TTC28: variants seen among roughly 807,000 people sequenced by gnomAD.
TTC28 encodes the protein tetratricopeptide repeat protein 28.
TTC28 carries 61 observed loss-of-function variants against 198.0 expected under a neutral mutation model. That is an observed-to-expected ratio of 0.31 (90% CI 0.25 to 0.38). The LOEUF is 0.38. Among genes scored for constraint, TTC28 ranks in the 10% least tolerant of loss-of-function variants. The pLI is 1.00. For missense variants in TTC28, 2,678 were observed against 3,164.0 expected (o/e 0.85, Z 3.69); for synonymous variants, 1,171 against 1,297.8 (o/e 0.90, Z 2.10).
At chr22:28,628,750 G>C (rs545039212) in intron 2 of TTC28, among the ~76,000 whole-genome samples, 3 of 152,074 alleles carry the variant, frequency 2.0e-5, no homozygotes, top group African/African-American at 7.2e-5. Context: ...GACCAGCCTG[G>C]GCAACATGGT....
At chr22:28,182,839 C>T (rs1332005338) in intron 5 of TTC28, among the ~76,000 whole-genome samples, 1 of 152,140 alleles carries the variant, frequency 6.6e-6, no homozygotes, top group Non-Finnish European at 1.5e-5. Context: ...CTGGAAGAGG[C>T]CTTACAGATC....
intron 5 of TTC28, among the ~76,000 whole-genome samples, chr22:28,189,995 CT>C (rs1237684063): frequency 2.0e-5 from 3 of 152,110 alleles, no homozygotes; most frequent in African/African-American, 7.2e-5. Context: ...GAGCATTGTG[CT>C]GGGCACTTTA....
intron 2 of TTC28, among the ~76,000 whole-genome samples, chr22:28,444,301 A>T (rs2047670536): frequency 6.6e-6 from 1 of 152,190 alleles, no homozygotes; most frequent in Non-Finnish European, 1.5e-5. Context: ...AACAATGTTT[A>T]ACTTATTACC....
chr22:28,588,399 A>C (rs1440549469), intron 2 of TTC28, among the ~76,000 whole-genome samples: 1 of 152,172 alleles, frequency 6.6e-6, no homozygotes, highest in East Asian at 1.9e-4. Context: ...CAACAAGAAA[A>C]ATGTAAATAA....
At chr22:28,351,326 A>C (rs1268330800) in intron 2 of TTC28, among the ~76,000 whole-genome samples, 1 of 152,326 alleles carries the variant, frequency 6.6e-6, no homozygotes, top group Middle Eastern at 3.4e-3. Context: ...TATGTGTGTA[A>C]AGAAATGGTA....
At position 28,363,822 on chromosome 22, in the gene TTC28, C is replaced by G. The variant is rs545679644; in HGVS notation, c.382-57179G>C. Among the ~76,000 whole-genome samples, 141 of 152,228 alleles carry G rather than the reference C, an allele frequency of 9.3e-4. 2 individuals carry two copies. Among genetic ancestry groups the G allele is most frequent in the African/African-American group, 3.1e-3 (129 of 41,528 alleles). ...TTCAGACTTGTATGGGGCCTGTACC[C>G]CATTTGTTCTGGCCAATTTCTTCCA... is the stretch of plus-strand genomic sequence containing the variant. On this transcript the variant is annotated intron_variant, in intron 2 of 22. Coordinates refer to ENST00000397906, the MANE Select transcript of TTC28 (RefSeq NM_001145418.2).
At chr22:28,007,118 G>T (rs564771691) in intron 14 of TTC28, 1 of 152,262 alleles carries the variant, frequency 6.6e-6, no homozygotes, top group East Asian at 1.9e-4. Flanking sequence ...CTACAATAAG[G>T]ATTCCAGAGG....
intron 2 of TTC28, among the ~76,000 whole-genome samples, chr22:28,307,306 C>T (rs550790914): frequency 6.6e-6 from 1 of 152,262 alleles, no homozygotes; most frequent in South Asian, 2.1e-4. Context: ...AACATTCCTC[C>T]TTCTAACTAA....
Position 27,982,653 on chromosome 22 carries a change from G to T in TTC28, c.7014C>A (p.Asp2338Glu), listed in dbSNP as rs757420210. 6.4e-7 allele frequency: 1 copy of T among 1,551,600 alleles called. No individual in the cohort carries two copies. Among genetic ancestry groups the T allele is most frequent in the African/African-American group, 1.4e-5 (1 of 73,040 alleles). Residue 2338 changes from aspartate (D) to glutamate (E), a missense_variant, in exon 23 of 23, where the codon GAC becomes GAA. Physicochemically the swap from Asp to Glu is conservative, Grantham distance 45 (BLOSUM62 2). Coordinates refer to ENST00000397906, the MANE Select transcript of TTC28 (RefSeq NM_001145418.2). The surrounding 1 kb of genome is among the most constrained non-coding windows in gnomAD (Gnocchi z 5.2). Reference sequence around the variant, plus strand: ...TTTTCAGTTTGTCTATGTCGGGAGCGTCTGCTGGACTTGAGCGAGCAGATC... The same window carrying T: ...TTTTCAGTTTGTCTATGTCGGGAGCTTCTGCTGGACTTGAGCGAGCAGATC... The part of the protein sequence containing the change: ...SAGSARSSPA[D>E]APDIDKLKMA...
At chr22:28,233,959 T>C (rs1601512681) in intron 5 of TTC28, among the ~76,000 whole-genome samples, 1 of 150,174 alleles carries the variant, frequency 6.7e-6, no homozygotes, top group Non-Finnish European at 1.5e-5. Flanking sequence ...CAGGCTAGAG[T>C]GCAGCGGCAC....
intron 1 of TTC28, among the ~76,000 whole-genome samples, chr22:28,673,995 T>G (rs1331022254): frequency 1.3e-5 from 2 of 152,236 alleles, no homozygotes; most frequent in Middle Eastern, 3.4e-3. Context: ...GGAAAAAAAG[T>G]AGTGAAAAAA....
intron 2 of TTC28, among the ~76,000 whole-genome samples, chr22:28,617,111 A>G (rs1201824490): frequency 6.6e-6 from 1 of 152,174 alleles, no homozygotes; most frequent in Admixed American, 6.5e-5. Flanking sequence ...AATAATAACT[A>G]CTTTGCAACT....
chr22:28,540,567 G>A (rs2049391190), intron 2 of TTC28, among the ~76,000 whole-genome samples: 1 of 152,006 alleles, frequency 6.6e-6, no homozygotes, highest in South Asian at 2.1e-4. Flanking sequence ...AATGCCCTTT[G>A]TACTATAAAA....
At chr22:28,078,491 A>T (rs772388671) in intron 12 of TTC28, among the ~76,000 whole-genome samples, 2 of 152,086 alleles carry the variant, frequency 1.3e-5, no homozygotes, top group African/African-American at 2.4e-5. Context: ...TTGGAAAGAC[A>T]TACAAACTAC....
At chr22:27,992,422 C>A (rs1601490013) in intron 19 of TTC28, 165 bp downstream of exon 19, 1 of 708,816 alleles carries the variant, frequency 1.4e-6, no homozygotes, top group Non-Finnish European at 2.3e-6. Context: ...ACAGCACTTG[C>A]CAGGCAGGGC....
chr22:28,488,554 A>T (rs1250886627), intron 2 of TTC28, among the ~76,000 whole-genome samples: 2 of 152,206 alleles, frequency 1.3e-5, no homozygotes, highest in East Asian at 3.8e-4. Flanking sequence ...GCAAATATAT[A>T]TGACGTTTCT....
At chr22:28,174,073 C>G (rs1298068102) in intron 5 of TTC28, among the ~76,000 whole-genome samples, 1 of 152,104 alleles carries the variant, frequency 6.6e-6, no homozygotes, top group African/African-American at 2.4e-5. Flanking sequence ...AAACCAAAGT[C>G]CTAGATTAAC....
At chr22:28,486,247 C>T (rs1304797658) in intron 2 of TTC28, among the ~76,000 whole-genome samples, 1 of 151,862 alleles carries the variant, frequency 6.6e-6, no homozygotes, top group East Asian at 1.9e-4. Flanking sequence ...ACAAGGAAGG[C>T]TTGAAAAACA....
In TTC28 at chr22:28,060,980, G is replaced by A. The variant is rs1451113709; in HGVS notation, c.3933-30614C>T. Among the ~76,000 whole-genome samples, 3 of 152,200 alleles carry A rather than the reference G, an allele frequency of 2.0e-5. No homozygotes were observed. The East Asian group carries it at 5.8e-4, about 29-fold the overall frequency. On this transcript the variant is annotated intron_variant, in intron 12 of 22. Transcript: ENST00000397906. ...TTTCTCTGATGGCCAGTGAGGATGA[G>A]CATTTTTTCATGTGTCTGTTGGCTG...
Sources: allele counts gnomAD v4.1 joint callset (sites outside exome capture counted in the v4.1 genomes callset), GRCh38; gene constraint gnomAD v4.1.1; non-coding constraint Gnocchi (gnomAD v3.1); transcripts MANE v1.5; gene names NCBI Gene and HGNC (gene_info 2026-07-23, HGNC 2026-07-21).